The following PARP12 variants were observed in gnomAD, a reference collection of about 807,000 sequenced individuals.
PARP12 encodes the protein poly(ADP-ribose) polymerase family member 12, also known as protein mono-ADP-ribosyltransferase PARP12.
In PARP12, 59 loss-of-function variants were observed where a neutral mutation model predicts 72.4. The observed-to-expected ratio is 0.81, with a 90% CI of 0.66 to 1.01. The LOEUF (loss-of-function observed/expected upper bound fraction) is 1.01. Ranked by LOEUF, PARP12 falls within the 50% of genes least tolerant of loss-of-function variation. PARP12 has a pLI of 0.00. For synonymous variants in PARP12, 403 were observed against 371.4 expected (o/e 1.09, Z -0.98); for missense variants, 851 against 914.0 (o/e 0.93, Z 0.89).
At chr7:140,057,325 C>T in intron 2 of PARP12, 172 bp from the exon 3 acceptor site, 1 of 684,034 alleles carries the variant, frequency 1.5e-6, no homozygotes, top group Non-Finnish European at 2.4e-6. Context: ...AACAAATGCC[C>T]TTGGCTAAAA....
At chr7:140,045,022 T>A (rs1816658694) in intron 5 of PARP12, among the ~76,000 whole-genome samples, 1 of 150,932 alleles carries the variant, frequency 6.6e-6, no homozygotes, top group African/African-American at 2.4e-5. Flanking sequence ...ATACAGTGCA[T>A]CTTTTTCTTT....
Position 140,026,120 on chromosome 7 carries a change from C to G in PARP12, c.1780+77G>C. 4.4e-6 allele frequency: 7 copies of G among 1,607,350 alleles called. No homozygotes were observed. In the East Asian group the frequency reaches 6.7e-5, roughly 15 times the overall value. On this transcript the variant is annotated intron_variant, in intron 11 of 11. Coordinates refer to ENST00000263549, the MANE Select transcript of PARP12 (RefSeq NM_022750.4). ...GCTCATCAGCTCAGGCTGGTCCCCT[C>G]ATGCCCTCTAGCAGTCTGTTCCTAT...
At chr7:140,025,667 C>T in intron 11 of PARP12, 1 of 357,156 alleles carries the variant, frequency 2.8e-6, no homozygotes, top group Non-Finnish European at 5.7e-6. Context: ...TAAAATTTAC[C>T]CAAAGAGGTT....
chr7:140,028,724 A>T (rs534967378), intron 8 of PARP12, 36 bp from the exon 9 acceptor site: 1 of 1,531,568 alleles, frequency 6.5e-7, no homozygotes, highest in East Asian at 2.4e-5. Flanking sequence ...TAGACATTTT[A>T]TTCTTACACA....
rs141106803 is a variant in PARP12 at position 140,036,275 on chromosome 7, T to A, written c.1324+1440A>T. ...ATATTTTCCAGATATTTAAAAGAAA[T>A]ATTCCAGATTGCTGTCAGCAGCAGT... On this transcript the variant is annotated intron_variant, in intron 7 of 11. Coordinates refer to ENST00000263549, the MANE Select transcript of PARP12 (RefSeq NM_022750.4). Among the ~76,000 whole-genome samples, 1,055 of 152,308 alleles carry A rather than the reference T, an allele frequency of 6.9e-3. 6 individuals are homozygous for A. Among genetic ancestry groups the A allele is most frequent in the African/African-American group, 0.024 (1,003 of 41,562 alleles).
chr7:140,062,792 C>T lies in PARP12; in HGVS notation c.56G>A (p.Gly19Asp). The T allele has an allele frequency of 7.1e-7, 1 of 1,408,434 alleles. No homozygotes were observed. Among genetic ancestry groups the T allele is most frequent in the Admixed American group, 2.6e-5 (1 of 38,472 alleles). 87.2% of individuals were successfully genotyped at this position (1,408,434 alleles called of 1,614,324 possible). Residue 19 changes from glycine (G) to aspartate (D), a missense_variant, in exon 1 of 12, where the codon GGC becomes GAC. Physicochemically the swap from Gly to Asp is moderately conservative, Grantham distance 94. Coordinates refer to ENST00000263549, the MANE Select transcript of PARP12 (RefSeq NM_022750.4). Reference sequence around the variant, plus strand: ...CCGCAGCTCGGGCAACTCCAGGGCGCCCCCGGCCGCGCACAGCACCTGGGT... The same window carrying T: ...CCGCAGCTCGGGCAACTCCAGGGCGTCCCCGGCCGCGCACAGCACCTGGGT... ...EVTQVLCAAG[G>D]ALELPELRRR...
intron 5 of PARP12, among the ~76,000 whole-genome samples, chr7:140,042,977 T>C (rs908320948): frequency 1.3e-5 from 2 of 152,122 alleles, no homozygotes; most frequent in South Asian, 2.1e-4. Flanking sequence ...AGGTGGATCA[T>C]GAGGTCAGGA....
At position 140,024,053 on chromosome 7, in the gene PARP12, C is replaced by T; in HGVS notation, c.*507G>A. 4.5e-6 allele frequency: 1 copy of T among 219,854 alleles called. No individual in the cohort carries two copies. Among genetic ancestry groups the T allele is most frequent in the South Asian group, 6.4e-5 (1 of 15,672 alleles). 13.6% of individuals were successfully genotyped at this position (219,854 alleles called of 1,614,324 possible). On this transcript the variant is annotated 3_prime_UTR_variant, in exon 12 of 12. Coordinates refer to ENST00000263549, the MANE Select transcript of PARP12 (RefSeq NM_022750.4). The stretch of plus-strand genomic sequence containing the variant: ...CAATGTGACACAGACCAACTAATGC[C>T]AGAGCCCAGGAGAAGCCACAGCAGA...
At chr7:140,046,273 G>A (rs936237862) in intron 5 of PARP12, among the ~76,000 whole-genome samples, 1 of 152,142 alleles carries the variant, frequency 6.6e-6, no homozygotes, top group African/African-American at 2.4e-5. Flanking sequence ...CACTCAAAAA[G>A]CAGGCTCAAA....
chr7:140,026,376 G>A, intron 10 of PARP12, 28 bp from the exon 11 acceptor site: 4 of 1,593,338 alleles, frequency 2.5e-6, no homozygotes, highest in South Asian at 1.1e-5. Context: ...TGTGTGCTGG[G>A]GGCAGAGTGT....
Position 140,037,794 on chromosome 7 carries a change from G to A in PARP12, c.1245C>T (p.Tyr415=), listed in dbSNP as rs1246999379. Residue 415 remains tyrosine, a synonymous_variant, in exon 7 of 12, where the codon TAC becomes TAT. Coordinates refer to ENST00000263549, the MANE Select transcript of PARP12 (RefSeq NM_022750.4). ...CCTGGCCGTCAGACCCCGGTGTACA[G>A]TAGGCCAGGTAGGCCTTCTCCACGT... is the stretch of plus-strand genomic sequence containing the variant. ...SSDVEKAYLA[Y]CTPGSDGQAA... 3 of 1,614,002 alleles carry A rather than the reference G, an allele frequency of 1.9e-6. No homozygotes were observed. The highest frequency in any genetic ancestry group is 1.3e-5 in the African/African-American group (1 of 74,954).
chr7:140,044,041 A>C (rs1585099730), intron 5 of PARP12, among the ~76,000 whole-genome samples: 1 of 152,228 alleles, frequency 6.6e-6, no homozygotes, highest in East Asian at 1.9e-4. Flanking sequence ...AATTCCAGAG[A>C]AGGAATACTT....
intron 3 of PARP12, among the ~76,000 whole-genome samples, chr7:140,056,510 T>C (rs1369210526): frequency 6.6e-6 from 1 of 152,158 alleles, no homozygotes; most frequent in Admixed American, 6.5e-5. Context: ...GGTTCCTCCC[T>C]GAAGAGCATG....
chr7:140,057,747 G>T, intron 2 of PARP12, 152 bp downstream of exon 2: 1 of 1,113,970 alleles, frequency 9.0e-7, no homozygotes, highest in Non-Finnish European at 1.2e-6. Flanking sequence ...GAACTTCACT[G>T]CTCCTTCTGC....
chr7:140,026,976 C>A (rs985974140), intron 10 of PARP12, among the ~76,000 whole-genome samples: 3 of 152,168 alleles, frequency 2.0e-5, no homozygotes, highest in African/African-American at 7.2e-5. Flanking sequence ...GCTGTACTGA[C>A]CCATCCCACT....
In PARP12 at chr7:140,057,126, C is replaced by A; in HGVS notation, c.490G>T (p.Gly164Ter). The change falls in exon 3 of 12, where the codon GGA becomes TGA. Residue 164 changes from glycine (G) to a stop codon, truncating the protein, a stop_gained. Coordinates refer to ENST00000263549, the MANE Select transcript of PARP12 (RefSeq NM_022750.4). LOFTEE classifies it high-confidence loss of function. ...EICQHYNKGD[G>*]PHGSCAFQKQ... Reference sequence around the variant, plus strand: ...TGAAAGGCACAAGAGCCGTGGGGTCCATCTCCTTTGTTGTAATGTTGGCAA... The same window carrying A: ...TGAAAGGCACAAGAGCCGTGGGGTCAATCTCCTTTGTTGTAATGTTGGCAA... 1 of 1,613,752 alleles carries A rather than the reference C, an allele frequency of 6.2e-7. No individual in the cohort carries two copies. The highest frequency in any genetic ancestry group is 8.5e-7 in the Non-Finnish European group (1 of 1,179,930).
chr7:140,025,940 C>A (rs1815723438), intron 11 of PARP12, among the ~76,000 whole-genome samples: 1 of 152,218 alleles, frequency 6.6e-6, no homozygotes, highest in Non-Finnish European at 1.5e-5. Flanking sequence ...TCACCATCTC[C>A]CAGGGCCTCT....
chr7:140,024,242 A>G lies in PARP12; in HGVS notation c.*318T>C. ...AACTCATAAAAATTAAAACCAATCC[A>G]TAAAATTGTATCTAGAAACTCTGTC... On this transcript the variant is annotated 3_prime_UTR_variant, in exon 12 of 12. Transcript: ENST00000263549. The G allele has an allele frequency of 5.4e-6, 2 of 367,694 alleles. No individual in the cohort carries two copies. The highest frequency in any genetic ancestry group is 4.7e-5 in the South Asian group (2 of 42,598). The allele number at this position is 367,694 out of a possible 1,614,324, so 22.8% of individuals were successfully genotyped here.
intron 8 of PARP12, chr7:140,033,398 C>T (rs1479291361): frequency 2.0e-6 from 2 of 985,300 alleles, no homozygotes; most frequent in African/African-American, 1.7e-5. Flanking sequence ...AAAATAGACA[C>T]AAGCCAGACC....
Sources: gnomAD v4.1 joint callset for allele counts (sites outside exome capture counted in the v4.1 genomes callset) on GRCh38, gnomAD v4.1.1 for gene constraint, MANE v1.5 for transcripts, NCBI Gene and HGNC (gene_info 2026-07-23, HGNC 2026-07-21) for gene names.